Variants in PAPSS2 observed in about 807,000 individuals in gnomAD.
PAPSS2 encodes bifunctional 3'-phosphoadenosine 5'-phosphosulfate synthase 2.
PAPSS2 carries 61 observed loss-of-function variants against 66.5 expected under a neutral mutation model. The observed-to-expected ratio is 0.92, with a 90% confidence interval of 0.75 to 1.14. The LOEUF (loss-of-function observed/expected upper bound fraction) is 1.14, where lower values mean the gene tolerates loss of function less well. Ranked by LOEUF, PAPSS2 falls within the 50% of genes most tolerant of loss-of-function variation. The pLI is 0.00. For missense variants in PAPSS2, 708 were observed against 789.6 expected (o/e 0.90, Z 1.24); for synonymous variants, 289 against 287.5 (o/e 1.01, Z -0.05).
At chr10:87,723,305 C>T (rs11202528) in intron 8 of PAPSS2, among the ~76,000 whole-genome samples, 11,067 of 152,232 alleles carry the variant, frequency 0.073, 962 homozygotes, top group East Asian at 0.42. Flanking sequence ...CCCTTTTCCT[C>T]AACTAGACTA....
At chr10:87,673,174 G>A (rs1015758418) in intron 1 of PAPSS2, among the ~76,000 whole-genome samples, 3 of 152,158 alleles carry the variant, frequency 2.0e-5, no homozygotes, top group African/African-American at 7.2e-5. Flanking sequence ...TACTTCATGA[G>A]CCCCATTGAA....
chr10:87,701,444 C>A (rs1853316107), intron 1 of PAPSS2, among the ~76,000 whole-genome samples: 1 of 138,874 alleles, frequency 7.2e-6, no homozygotes, highest in Non-Finnish European at 1.6e-5. Flanking sequence ...TTCTTTCAGA[C>A]AAGGTCTCAC....
intron 1 of PAPSS2, among the ~76,000 whole-genome samples, chr10:87,698,030 G>A (rs2048156192): frequency 6.6e-6 from 1 of 152,104 alleles, no homozygotes; most frequent in Admixed American, 6.5e-5. Flanking sequence ...CAGATGTTTT[G>A]GGAAAAAATT....
Position 87,714,782 on chromosome 10 carries a change from A to G in PAPSS2, c.558A>G (p.Glu186=). The change falls in exon 5 of 13, where the codon GAA becomes GAG. Residue 186 remains glutamate (E), a synonymous_variant. Transcript: ENST00000456849. ...TTGATTCTGATTATGAGAAACCTGA[A>G]ACTCCTGAGCGTGTGCTTAAAACCA... is the stretch of plus-strand genomic sequence containing the variant. The part of the protein sequence containing the change: ...TGIDSDYEKP[E]TPERVLKTNL... 6.2e-7 allele frequency: 1 copy of G among 1,613,064 alleles called. No homozygotes were observed. Among genetic ancestry groups the G allele is most frequent in the Middle Eastern group, 1.7e-4 (1 of 6,056 alleles).
intron 1 of PAPSS2, among the ~76,000 whole-genome samples, chr10:87,700,062 A>G (rs1339088477): frequency 6.6e-6 from 1 of 152,072 alleles, no homozygotes; most frequent in Non-Finnish European, 1.5e-5. Context: ...TTTTAACGAG[A>G]TTAATGTTAA....
At chr10:87,686,946 A>G (rs1017835257) in intron 1 of PAPSS2, among the ~76,000 whole-genome samples, 4 of 152,226 alleles carry the variant, frequency 2.6e-5, no homozygotes, top group Admixed American at 2.0e-4. Flanking sequence ...GATGCTAGAT[A>G]AAACACAGGA....
At chr10:87,685,241 A>G (rs1161832415) in intron 1 of PAPSS2, among the ~76,000 whole-genome samples, 2 of 152,206 alleles carry the variant, frequency 1.3e-5, no homozygotes, top group Non-Finnish European at 2.9e-5. Flanking sequence ...TTAACTGTTC[A>G]GGCTCTACTC....
intron 8 of PAPSS2, among the ~76,000 whole-genome samples, chr10:87,723,447 A>G (rs1039859498): frequency 2.6e-5 from 4 of 152,184 alleles, no homozygotes; most frequent in Admixed American, 2.6e-4. Flanking sequence ...CTGAGTTTAG[A>G]AAAGTTGAAT....
chr10:87,681,201 C>T (rs1853016832), intron 1 of PAPSS2, among the ~76,000 whole-genome samples: 2 of 152,150 alleles, frequency 1.3e-5, no homozygotes, highest in African/African-American at 2.4e-5. Context: ...CTGTACATAG[C>T]GTTGGATCGT....
intron 8 of PAPSS2, 68 bp from the exon 9 acceptor site, chr10:87,727,216 T>G: frequency 7.4e-7 from 1 of 1,349,616 alleles, no homozygotes; most frequent in Non-Finnish European, 1.1e-6. Flanking sequence ...TTGTGCACAT[T>G]TGATTCATGC....
chr10:87,666,244 A>C (rs1852815518), intron 1 of PAPSS2, among the ~76,000 whole-genome samples: 2 of 152,198 alleles, frequency 1.3e-5, no homozygotes, highest in Admixed American at 1.3e-4. Context: ...GATTACAGGC[A>C]TGAGCCACCA....
chr10:87,690,581 G>T (rs934669286), intron 1 of PAPSS2, among the ~76,000 whole-genome samples: 3 of 152,176 alleles, frequency 2.0e-5, no homozygotes, highest in African/African-American at 7.2e-5. Flanking sequence ...AATATAGCAT[G>T]AGCTAGGTCC....
chr10:87,687,007 A>T (rs1280891521), intron 1 of PAPSS2, among the ~76,000 whole-genome samples: 1 of 152,208 alleles, frequency 6.6e-6, no homozygotes, highest in African/African-American at 2.4e-5. Flanking sequence ...TTTTTGATAT[A>T]AGTATGTCTC....
At chr10:87,707,675 TCCTC>T (rs563286585) in intron 1 of PAPSS2, among the ~76,000 whole-genome samples, 154 of 150,402 alleles carry the variant, frequency 1.0e-3, no homozygotes, top group African/African-American at 3.6e-3. Flanking sequence ...GTTCAAGTGA[TCCTC>T]CCACCTCAGC....
At chr10:87,734,663 G>GTATA (rs66686947) in intron 9 of PAPSS2, among the ~76,000 whole-genome samples, 1,780 of 80,580 alleles carry the variant, frequency 0.022, 26 homozygotes, top group Non-Finnish European at 0.028. Context: ...GAATGTGTGT[G>GTATA]TATATATATA....
chr10:87,679,960 A>G (rs1237607284), intron 1 of PAPSS2, among the ~76,000 whole-genome samples: 1 of 151,238 alleles, frequency 6.6e-6, no homozygotes, highest in Admixed American at 6.6e-5. Flanking sequence ...TCGAAGGTCA[A>G]GGCTGCAGTG....
chr10:87,681,748 T>A (rs1345242070), intron 1 of PAPSS2, among the ~76,000 whole-genome samples: 1 of 152,220 alleles, frequency 6.6e-6, no homozygotes, highest in African/African-American at 2.4e-5. Flanking sequence ...ACTTTCTGTC[T>A]CCTGATAGTT....
intron 1 of PAPSS2, among the ~76,000 whole-genome samples, chr10:87,677,022 C>T (rs375399949): frequency 4.0e-5 from 6 of 151,430 alleles, no homozygotes; most frequent in African/African-American, 1.5e-4. Flanking sequence ...GATGAAACCC[C>T]ATCTCTACTA....
At chr10:87,660,526 G>A (rs2131889378) in intron 1 of PAPSS2, 1 of 187,898 alleles carries the variant, frequency 5.3e-6, no homozygotes, top group Admixed American at 5.4e-5. Context: ...CTACACTGGC[G>A]GGATTTAGCC....
Sources: gnomAD v4.1 joint callset for allele counts (sites outside exome capture counted in the v4.1 genomes callset) on GRCh38, gnomAD v4.1.1 for gene constraint, MANE v1.5 for transcripts, NCBI Gene and HGNC (gene_info 2026-07-23, HGNC 2026-07-21) for gene names.